SCARA5: variants seen among roughly 807,000 people sequenced by gnomAD.
SCARA5 encodes scavenger receptor class A, member 5 (putative).
A neutral mutation model predicts 46.3 loss-of-function variants in SCARA5; 45 were observed. The ratio of observed to expected loss-of-function variants is 0.97; its 90% CI spans 0.76 to 1.24. SCARA5 has a LOEUF of 1.24. Among genes scored for constraint, SCARA5 ranks in the 50% most tolerant of loss-of-function variants. SCARA5 has a pLI of 0.00. For missense variants in SCARA5, 680 were observed against 689.0 expected, an observed-to-expected ratio of 0.99 and a Z score of 0.15; for synonymous variants, 333 against 306.5, an observed-to-expected ratio of 1.09 and a Z score of -0.90.
chr8:27,888,404 G>T (rs924118190), intron 7 of SCARA5, among the ~76,000 whole-genome samples: 2 of 152,196 alleles, frequency 1.3e-5, no homozygotes, highest in Non-Finnish European at 2.9e-5. Flanking sequence ...AAATCAGAAA[G>T]TCTTTGAAGC....
intron 3 of SCARA5, among the ~76,000 whole-genome samples, chr8:27,954,557 A>G (rs1429315148): frequency 1.3e-5 from 2 of 152,318 alleles, no homozygotes; most frequent in South Asian, 4.2e-4. Flanking sequence ...ATGGCTGCAT[A>G]ATACTCCTTT....
chr8:27,900,841 G>C (rs1423703500), intron 7 of SCARA5, among the ~76,000 whole-genome samples: 1 of 142,266 alleles, frequency 7.0e-6, no homozygotes, highest in Non-Finnish European at 1.5e-5. Context: ...AACATGTCAC[G>C]GAATGACTGA....
chr8:27,904,555 C>G (rs1807219505), intron 7 of SCARA5: 1 of 608,826 alleles, frequency 1.6e-6, no homozygotes, highest in East Asian at 2.6e-5. Context: ...ATGCACACAA[C>G]CGCCAGGTTT....
chr8:27,887,245 A>T (rs11993701), intron 7 of SCARA5, among the ~76,000 whole-genome samples: 1 of 151,890 alleles, frequency 6.6e-6, no homozygotes, highest in African/African-American at 2.4e-5. Context: ...ACCCTTCCTG[A>T]GCAAATGAGG....
chr8:27,931,368 A>T (rs1807770018), intron 3 of SCARA5, among the ~76,000 whole-genome samples: 1 of 152,084 alleles, frequency 6.6e-6, no homozygotes, highest in Non-Finnish European at 1.5e-5. Context: ...TGTGCTGGGG[A>T]TGTGGACCCC....
intron 7 of SCARA5, among the ~76,000 whole-genome samples, chr8:27,898,931 G>A (rs548997831): frequency 8.5e-5 from 13 of 152,344 alleles, no homozygotes; most frequent in East Asian, 1.9e-4. Flanking sequence ...GGCGGGCGGC[G>A]TGCCCAGAGA....
chr8:27,962,683 C>T (rs1469140153), intron 3 of SCARA5, among the ~76,000 whole-genome samples: 5 of 152,214 alleles, frequency 3.3e-5, no homozygotes, highest in Admixed American at 2.0e-4. Context: ...GACAACTCTC[C>T]GCAGGCCAAG....
chr8:27,918,196 G>GGATCATTACCAGCCATGAGGCCTT (rs1366319494), intron 4 of SCARA5, among the ~76,000 whole-genome samples: 1 of 152,126 alleles, frequency 6.6e-6, no homozygotes, highest in Non-Finnish European at 1.5e-5. Context: ...TATTAAACCT[G>GGATCATTACCAGCCATGAGGCCTT]GATCATTACC....
At chr8:27,902,313 T>TC (rs34528238) in intron 7 of SCARA5, among the ~76,000 whole-genome samples, 1 of 151,498 alleles carries the variant, frequency 6.6e-6, no homozygotes, top group African/African-American at 2.4e-5. Flanking sequence ...GGGGGTGGCC[T>TC]CCCCCCACGC....
At chr8:27,957,618 G>A (rs1299937266) in intron 3 of SCARA5, among the ~76,000 whole-genome samples, 1 of 152,206 alleles carries the variant, frequency 6.6e-6, no homozygotes, top group East Asian at 1.9e-4. Context: ...GGCTCGGGTG[G>A]GAGAAGCCCT....
intron 6 of SCARA5, among the ~76,000 whole-genome samples, chr8:27,906,341 T>C (rs1311868087): frequency 6.6e-6 from 1 of 152,216 alleles, no homozygotes; most frequent in East Asian, 1.9e-4. Context: ...ACTGTAAAAG[T>C]AGGTTCCCCT....
At chr8:27,956,067 C>T (rs145837714) in intron 3 of SCARA5, among the ~76,000 whole-genome samples, 4 of 152,074 alleles carry the variant, frequency 2.6e-5, no homozygotes, top group East Asian at 1.9e-4. Flanking sequence ...GGGGAGGCCA[C>T]GAGAAGGTGG....
intron 4 of SCARA5, among the ~76,000 whole-genome samples, chr8:27,916,379 A>G (rs1419334767): frequency 1.3e-5 from 2 of 151,676 alleles, no homozygotes; most frequent in South Asian, 2.1e-4. Flanking sequence ...GTGTACATGC[A>G]CATTTGTATG....
At chr8:27,883,353 G>A (rs1806841427) in intron 7 of SCARA5, among the ~76,000 whole-genome samples, 1 of 152,200 alleles carries the variant, frequency 6.6e-6, no homozygotes, top group East Asian at 1.9e-4. Flanking sequence ...TGGGATCACA[G>A]CTTGCGTTTC....
intron 3 of SCARA5, among the ~76,000 whole-genome samples, chr8:27,952,752 T>C (rs1808148563): frequency 6.6e-6 from 1 of 152,230 alleles, no homozygotes; most frequent in Admixed American, 6.5e-5. Context: ...CAATGGACTG[T>C]GTGCAAGCAT....
intron 2 of SCARA5, among the ~76,000 whole-genome samples, chr8:27,982,664 G>C (rs1808641319): frequency 6.6e-6 from 1 of 152,180 alleles, no homozygotes; most frequent in African/African-American, 2.4e-5. Context: ...GCAGATTCCA[G>C]AGGTGGCCCC....
intron 3 of SCARA5, among the ~76,000 whole-genome samples, chr8:27,922,613 T>C (rs2727010): frequency 0.34 from 52,007 of 152,080 alleles, 9,087 homozygotes; most frequent in African/African-American, 0.39. Context: ...AGTGGACCCC[T>C]AGGAAACTGC....
chr8:27,888,189 G>T (rs1806928301), intron 7 of SCARA5, among the ~76,000 whole-genome samples: 1 of 152,136 alleles, frequency 6.6e-6, no homozygotes, highest in South Asian at 2.1e-4. Flanking sequence ...CTCCCAAGTA[G>T]CTGGGACTAC....
At chr8:27,974,859 A>G (rs1474890160) in intron 2 of SCARA5, among the ~76,000 whole-genome samples, 1 of 151,800 alleles carries the variant, frequency 6.6e-6, no homozygotes, top group Admixed American at 6.6e-5. Flanking sequence ...GGAGCCTGGC[A>G]GGGTCCTCAA....
Sources: allele counts gnomAD v4.1 joint callset (sites outside exome capture counted in the v4.1 genomes callset), GRCh38; gene constraint gnomAD v4.1.1; transcripts MANE v1.5; gene names NCBI Gene and HGNC (gene_info 2026-07-23, HGNC 2026-07-21).